The following MEP1A variants were observed in gnomAD, a reference collection of about 807,000 sequenced individuals.
MEP1A encodes the protein meprin A subunit alpha.
A neutral mutation model predicts 84.5 loss-of-function variants in MEP1A; 68 were observed. The ratio of observed to expected loss-of-function variants is 0.80; its 90% CI spans 0.66 to 0.98. The LOEUF (loss-of-function observed/expected upper bound fraction) is 0.98. MEP1A is among the 50% of genes least tolerant of loss of function. The pLI is 0.00. For missense variants in MEP1A, 887 were observed against 919.9 expected (o/e 0.96, Z 0.46); for synonymous variants, 337 against 336.8 (o/e 1.00, Z -0.01).
chr6:46,814,511 T>G (rs1377554918), intron 6 of MEP1A, among the ~76,000 whole-genome samples: 5 of 152,164 alleles, frequency 3.3e-5, no homozygotes, highest in Non-Finnish European at 7.3e-5. Context: ...CCTCCTTGAT[T>G]GGCTTAATAA....
At chr6:46,829,240 T>G in intron 9 of MEP1A, 116 bp from the exon 10 acceptor site, 1 of 774,826 alleles carries the variant, frequency 1.3e-6, no homozygotes. Context: ...CTCCGAAGAG[T>G]TCTAGTTTTT....
In MEP1A at chr6:46,825,234, C is replaced by T. The variant is rs1227692738; in HGVS notation, c.557-38C>T. 3.6e-6 allele frequency: 5 copies of T among 1,406,404 alleles called. No homozygotes were observed. In the East Asian group the frequency reaches 9.4e-5, roughly 26 times the overall value. The allele number at this position is 1,406,404 out of a possible 1,614,324, so 87.1% of individuals were successfully genotyped here. A position where few individuals can be genotyped will look rare whatever the true frequency, so the allele number is the denominator to read the frequency against. On this transcript the variant is annotated intron_variant, in intron 7 of 13. Transcript: ENST00000230588. ...TCAAAGAGTAGCATGGGGAAAATAA[C>T]ATGACTGAGAAGGACCTGTGGATTC...
the MEP1A span, among the ~76,000 whole-genome samples, chr6:46,845,522 A>T: frequency 6.6e-6 from 1 of 152,236 alleles, no homozygotes; most frequent in East Asian, 1.9e-4. Flanking sequence ...ATCCTAATGG[A>T]TATAATTATT....
At position 46,797,796 on chromosome 6, in the gene MEP1A, T is replaced by TTCTTTCTTTCTTTC. The variant is rs1416329077; in HGVS notation, c.146-808_146-795dup. 4.5e-3 allele frequency among the ~76,000 whole-genome samples: 60 copies of TTCTTTCTTTCTTTC among 13,192 alleles called. 2 individuals are homozygous for TTCTTTCTTTCTTTC. The highest frequency in any genetic ancestry group is 0.032 in the African/African-American group (58 of 1,840). The allele number at this position is 13,192 out of a possible 152,430, so 8.7% of individuals were successfully genotyped here. A position where few individuals can be genotyped will look rare whatever the true frequency, so the allele number is the denominator to read the frequency against. On this transcript the variant is annotated intron_variant, in intron 3 of 13. Transcript: ENST00000230588. ...TTTTTCTTTCTTTCTTTCTTTCTCTTTCTTTCTTTCTTTCTTTCTTTCTTT... is the reference window on the plus strand; with the variant it reads ...TTTTTCTTTCTTTCTTTCTTTCTCTTTCTTTCTTTCTTTCTCTTTCTTTCTTTCTTTCTTTCTTT...
intron 10 of MEP1A, among the ~76,000 whole-genome samples, chr6:46,829,811 AC>A (rs376579873): frequency 1.1e-3 from 164 of 152,266 alleles, no homozygotes; most frequent in African/African-American, 3.7e-3. Flanking sequence ...GATGAAATAT[AC>A]TTTTGTAAGA....
downstream of MEP1A, among the ~76,000 whole-genome samples, chr6:46,842,423 G>A (rs572385600): frequency 5.9e-5 from 9 of 152,224 alleles, no homozygotes; most frequent in African/African-American, 1.9e-4. Context: ...ATGCATTCCT[G>A]GGGGGAGGTC....
At chr6:46,813,275 G>A (rs1420396800) in intron 6 of MEP1A, among the ~76,000 whole-genome samples, 5 of 152,050 alleles carry the variant, frequency 3.3e-5, no homozygotes, top group African/African-American at 7.2e-5. Context: ...CTGCTGCTGA[G>A]TAATCATTGG....
intron 9 of MEP1A, among the ~76,000 whole-genome samples, chr6:46,827,197 T>C (rs1767968043): frequency 6.6e-6 from 1 of 152,182 alleles, no homozygotes; most frequent in Non-Finnish European, 1.5e-5. Context: ...GAAATATAGC[T>C]TCACCACTTA....
At chr6:46,831,696 G>A (rs1018854446) in intron 10 of MEP1A, among the ~76,000 whole-genome samples, 1 of 152,198 alleles carries the variant, frequency 6.6e-6, no homozygotes, top group East Asian at 1.9e-4. Context: ...AGCAAGAACA[G>A]AATCCTATTC....
At chr6:46,795,735 T>G (rs374807707) in intron 3 of MEP1A, among the ~76,000 whole-genome samples, 1 of 152,202 alleles carries the variant, frequency 6.6e-6, no homozygotes, top group Non-Finnish European at 1.5e-5. Flanking sequence ...CTTTGCTCCC[T>G]AAAGACTATT....
chr6:46,798,353 T>G (rs1767113393), intron 3 of MEP1A, among the ~76,000 whole-genome samples: 1 of 152,174 alleles, frequency 6.6e-6, no homozygotes, highest in Non-Finnish European at 1.5e-5. Flanking sequence ...CCCTTCTAAC[T>G]TATGTCTTAC....
At chr6:46,841,764 G>A (rs1433993292), downstream of MEP1A, among the ~76,000 whole-genome samples, 2 of 152,194 alleles carry the variant, frequency 1.3e-5, no homozygotes, top group East Asian at 3.8e-4. Flanking sequence ...GGTTCTTTCA[G>A]TAATATCTGG....
chr6:46,817,611 T>C (rs1451486701), intron 6 of MEP1A, among the ~76,000 whole-genome samples: 4 of 152,248 alleles, frequency 2.6e-5, no homozygotes, highest in Non-Finnish European at 5.9e-5. Flanking sequence ...ATTCTTCAGC[T>C]ACCACTTTTG....
chr6:46,816,774 G>A (rs1023603220), intron 6 of MEP1A, among the ~76,000 whole-genome samples: 1 of 152,178 alleles, frequency 6.6e-6, no homozygotes, highest in Non-Finnish European at 1.5e-5. Flanking sequence ...TAGGACTGCG[G>A]GCTGCATGGG....
chr6:46,810,295 C>A (rs1767465601), intron 6 of MEP1A, among the ~76,000 whole-genome samples: 2 of 151,990 alleles, frequency 1.3e-5, no homozygotes, highest in South Asian at 4.1e-4. Context: ...ACATTCTTAG[C>A]CCAATTTTTG....
chr6:46,828,171 A>AGGTG (rs752072841), intron 9 of MEP1A, among the ~76,000 whole-genome samples: 1 of 152,006 alleles, frequency 6.6e-6, no homozygotes, highest in Non-Finnish European at 1.5e-5. Flanking sequence ...TTCATGCTTC[A>AGGTG]TAATACACCT....
intron 9 of MEP1A, 65 bp from the exon 10 acceptor site, chr6:46,829,291 T>C: frequency 4.4e-6 from 6 of 1,363,672 alleles, no homozygotes; most frequent in Non-Finnish European, 6.3e-6. Flanking sequence ...TTCACTTTGT[T>C]TGGGTGGACA....
intron 6 of MEP1A, among the ~76,000 whole-genome samples, chr6:46,815,776 T>C (rs1245238788): frequency 6.6e-6 from 1 of 152,170 alleles, no homozygotes; most frequent in South Asian, 2.1e-4. Flanking sequence ...GATGGATGGA[T>C]AGTATGATGA....
chr6:46,797,251 C>A (rs373442470), intron 3 of MEP1A, among the ~76,000 whole-genome samples: 158 of 152,340 alleles, frequency 1.0e-3, no homozygotes, highest in Middle Eastern at 0.01. Context: ...TAAATCAGGG[C>A]TGTCCTCAGA....
Sources: gnomAD v4.1 joint callset for allele counts (sites outside exome capture counted in the v4.1 genomes callset) on GRCh38, gnomAD v4.1.1 for gene constraint, MANE v1.5 for transcripts, NCBI Gene and HGNC (gene_info 2026-07-23, HGNC 2026-07-21) for gene names.